Variants in CASC3 observed in about 807,000 individuals in gnomAD.
CASC3 encodes CASC3 exon junction complex subunit.
CASC3 carries 30 observed loss-of-function variants against 80.5 expected under a neutral mutation model. The ratio of observed to expected loss-of-function variants is 0.37; its 90% CI spans 0.28 to 0.51. The LOEUF is 0.51. Ranked by LOEUF, CASC3 falls within the 20% of genes least tolerant of loss-of-function variation. CASC3 has a pLI of 0.94. For synonymous variants in CASC3, 312 were observed against 333.6 expected (o/e 0.94, Z 0.70); for missense variants, 824 against 922.2 (o/e 0.89, Z 1.38).
At chr17:40,148,676 G>A (rs1003162993) in intron 3 of CASC3, among the ~76,000 whole-genome samples, 12 of 151,950 alleles carry the variant, frequency 7.9e-5, no homozygotes, top group African/African-American at 2.9e-4. Context: ...CTAGTTGTAA[G>A]TGCTGTTCTC....
chr17:40,167,867 A>G lies in CASC3; in HGVS notation c.1669A>G (p.Ile557Val), dbSNP rs772486867. 11 of 1,614,008 alleles carry G rather than the reference A, an allele frequency of 6.8e-6. No homozygotes were observed. Among genetic ancestry groups the G allele is most frequent in the Middle Eastern group, 1.6e-4 (1 of 6,084 alleles). ...YYDPLQFQGP[I>V]YTHGDSPAPL... ...TCTTACAGTGCAGTTCCAGGGACCA[A>G]TCTATACCCATGGTGACAGCCCTGC... The change falls in exon 10 of 14, where the codon ATC (isoleucine) becomes GTC (valine). Residue 557 changes from isoleucine (I) to valine (V), a missense_variant. This residue lies in a region of CASC3 where 464 missense variants were observed against 506.0 expected (regional missense o/e 0.92). Coordinates refer to ENST00000264645, the MANE Select transcript of CASC3 (RefSeq NM_007359.5).
chr17:40,144,658 CTT>C lies in CASC3; in HGVS notation c.297+3072_297+3073del, dbSNP rs939136950. Among the ~76,000 whole-genome samples, 543 of 119,086 alleles carry C rather than the reference CTT, an allele frequency of 4.6e-3. 6 individuals carry two copies. Among genetic ancestry groups the C allele is most frequent in the African/African-American group, 0.016 (483 of 30,228 alleles). The allele number at this position is 119,086 out of a possible 152,430, so 78.1% of individuals were successfully genotyped here. ...GGTGTGAGCCACTGTGCCCAGCCCT[CTT>C]TTTTTTTTTTTTTTTTTTTTAAAAA... On this transcript the variant is annotated intron_variant, in intron 3 of 13. Transcript: ENST00000264645.
rs1989581643 is a variant in CASC3 at position 40,171,061 on chromosome 17, C to G, written c.*656C>G. ...CTTGTATACTTGTATTCCCTTAACT[C>G]TAACCCTGTGGAAGCATGGCTGTCT... On this transcript the variant is annotated 3_prime_UTR_variant, in exon 14 of 14. Transcript: ENST00000264645. 1 of 985,542 alleles carries G rather than the reference C, an allele frequency of 1.0e-6. No individual in the cohort carries two copies. Among genetic ancestry groups the G allele is most frequent in the Non-Finnish European group, 1.2e-6 (1 of 829,946 alleles). The allele number at this position is 985,542 out of a possible 1,614,324, so 61.0% of individuals were successfully genotyped here.
At chr17:40,166,012 T>TA (rs1175605330) in intron 7 of CASC3, among the ~76,000 whole-genome samples, 3 of 152,004 alleles carry the variant, frequency 2.0e-5, no homozygotes, top group Admixed American at 1.3e-4. Context: ...CAAGCAGTCT[T>TA]ACCTCTGCCA....
rs1393622487 is a variant in CASC3, at chr17:40,168,754, T to C, written c.1965+337T>C. On this transcript the variant is annotated intron_variant, in intron 11 of 13. Coordinates refer to ENST00000264645, the MANE Select transcript of CASC3 (RefSeq NM_007359.5). ...TACAGTGCCTGCCACCATGCCCGGC[T>C]AGTTTTTGTATTTCTAGTAGAGATG... The C allele has an allele frequency of 4.0e-5, 12 of 303,034 alleles. No individual in the cohort carries two copies. The Admixed American group carries it at 5.8e-4, about 15-fold the overall frequency. 18.8% of individuals were successfully genotyped at this position (303,034 alleles called of 1,614,324 possible).
At chr17:40,161,638 C>A in intron 3 of CASC3, 115 bp from the exon 4 acceptor site, 1 of 851,640 alleles carries the variant, frequency 1.2e-6, no homozygotes, top group Middle Eastern at 2.3e-4. Context: ...GAGATTGTGC[C>A]ACTGTATTCC....
Position 40,163,643 on chromosome 17 carries a change from T to C in CASC3, c.948T>C (p.Ser316=). 1 of 1,614,164 alleles carries C rather than the reference T, an allele frequency of 6.2e-7. No individual in the cohort carries two copies. Among genetic ancestry groups the C allele is most frequent in the Non-Finnish European group, 8.5e-7 (1 of 1,180,022 alleles). The part of the protein sequence containing the change: ...RMSAPRNYSR[S]GGFKEGRAGF... Reference sequence around the variant, plus strand: ...CTGCACCCAGGAATTATTCTCGATCTGGGGGCTTCAAGGAAGGTCGTGCTG... The same window carrying C: ...CTGCACCCAGGAATTATTCTCGATCCGGGGGCTTCAAGGAAGGTCGTGCTG... The change falls in exon 7 of 14, where the codon TCT becomes TCC. Residue 316 remains serine (S), a synonymous_variant. Coordinates refer to ENST00000264645, the MANE Select transcript of CASC3 (RefSeq NM_007359.5).
In CASC3 at chr17:40,169,603, A is replaced by G. The variant is rs1289973354; in HGVS notation, c.2094A>G (p.Val698=). ...TTCCAACTTTGTTATTTCAGGTTGT[A>G]AGCAGGGGTTCCAGTTAATACAAGT... ...VTIKPPPPEV[V]SRGSS is the part of the protein sequence containing the mutation. The change falls in exon 13 of 14, where the codon GTA becomes GTG. Residue 698 remains valine, a synonymous_variant. Transcript: ENST00000264645. 1 of 1,597,964 alleles carries G rather than the reference A, an allele frequency of 6.3e-7. No homozygotes were observed.
chr17:40,169,242 T>G, intron 11 of CASC3, 82 bp from the exon 12 acceptor site: 1 of 1,338,038 alleles, frequency 7.5e-7, no homozygotes, highest in Non-Finnish European at 9.9e-7. Context: ...AATTCTCTTA[T>G]GGCTGAATAA....
intron 3 of CASC3, among the ~76,000 whole-genome samples, chr17:40,147,544 G>C (rs1019116522): frequency 3.3e-5 from 5 of 152,086 alleles, no homozygotes; most frequent in Non-Finnish European, 7.4e-5. Flanking sequence ...CTACTGAGGA[G>C]GTTCAGGCAG....
chr17:40,166,897 C>T (rs759028084), intron 8 of CASC3, 36 bp downstream of exon 8: 2 of 1,448,912 alleles, frequency 1.4e-6, no homozygotes, highest in East Asian at 2.3e-5. Flanking sequence ...GGGGAGGGAG[C>T]TGCCTGTTAC....
At chr17:40,146,185 C>G (rs1251708615) in intron 3 of CASC3, among the ~76,000 whole-genome samples, 2 of 152,054 alleles carry the variant, frequency 1.3e-5, no homozygotes, top group Admixed American at 1.3e-4. Context: ...TTGTAGGAAT[C>G]TAGTTAAGTA....
At chr17:40,141,534 G>T (rs758994729) in intron 2 of CASC3, 36 bp from the exon 3 acceptor site, 10 of 1,600,198 alleles carry the variant, frequency 6.2e-6, no homozygotes, top group African/African-American at 1.3e-5. Context: ...ATGTTTCTGG[G>T]TTTCTTTTTT....
At chr17:40,158,758 A>T (rs939795741) in intron 3 of CASC3, among the ~76,000 whole-genome samples, 1 of 152,114 alleles carries the variant, frequency 6.6e-6, no homozygotes, top group Non-Finnish European at 1.5e-5. Flanking sequence ...CTGAAATGTG[A>T]TGGTTGTACA....
chr17:40,170,434 C>T lies in CASC3; in HGVS notation c.*42-13C>T, dbSNP rs1211554764. The T allele has an allele frequency of 1.0e-6, 1 of 985,582 alleles. No homozygotes were observed. The highest frequency in any genetic ancestry group is 1.2e-6 in the Non-Finnish European group (1 of 829,952). 61.1% of individuals were successfully genotyped at this position (985,582 alleles called of 1,614,324 possible). On this transcript the variant is annotated splice_polypyrimidine_tract_variant and intron_variant, in intron 13 of 13. Coordinates refer to ENST00000264645, the MANE Select transcript of CASC3 (RefSeq NM_007359.5). ...CACTTTGGTGGTTCTTCCCTTTTTC[C>T]AACCCCTGTCAGAGCAGCAGAGGTG...
intron 3 of CASC3, among the ~76,000 whole-genome samples, chr17:40,149,560 A>G (rs1052927857): frequency 2.0e-5 from 3 of 150,300 alleles, no homozygotes; most frequent in African/African-American, 7.5e-5. Flanking sequence ...AAAGAAAAGA[A>G]AGGGGGAAAA....
intron 3 of CASC3, among the ~76,000 whole-genome samples, chr17:40,142,060 G>A (rs937142818): frequency 3.9e-5 from 6 of 152,176 alleles, no homozygotes; most frequent in African/African-American, 1.2e-4. Flanking sequence ...TTAGGAGAAA[G>A]TTTCCTGTCT....
chr17:40,156,415 G>A (rs1029874606), intron 3 of CASC3, among the ~76,000 whole-genome samples: 1 of 152,092 alleles, frequency 6.6e-6, no homozygotes, highest in Non-Finnish European at 1.5e-5. Flanking sequence ...GGCCAGGCGC[G>A]GTGGCTCATG....
chr17:40,141,322 A>C, intron 2 of CASC3, 88 bp downstream of exon 2: 1 of 1,260,434 alleles, frequency 7.9e-7, no homozygotes, highest in Non-Finnish European at 1.2e-6. Flanking sequence ...ATTCTCACAC[A>C]CTGTCACGGA....
Sources: gnomAD v4.1 joint callset for allele counts (sites outside exome capture counted in the v4.1 genomes callset) on GRCh38, gnomAD v4.1.1 for gene constraint, gnomAD v4.1.1 regional missense constraint, MANE v1.5 for transcripts, NCBI Gene and HGNC (gene_info 2026-07-23, HGNC 2026-07-21) for gene names.